The following UBE2R2 variants were observed in gnomAD, a reference collection of about 807,000 sequenced individuals.
The protein encoded by UBE2R2 is ubiquitin conjugating enzyme E2 R2.
A neutral mutation model predicts 27.8 loss-of-function variants in UBE2R2; 1 was observed. That is an observed-to-expected ratio of 0.04 (90% CI 0.01 to 0.17). The LOEUF (loss-of-function observed/expected upper bound fraction) is 0.17. UBE2R2 is among the 10% of genes least tolerant of loss of function. The pLI, the probability that UBE2R2 is intolerant of heterozygous loss-of-function variation, is 1.00. For missense variants in UBE2R2, 100 were observed against 291.0 expected (o/e 0.34, Z 4.78); for synonymous variants, 106 against 113.3 (o/e 0.94, Z 0.41).
chr9:33,848,495 G>A (rs2053072292), intron 1 of UBE2R2, among the ~76,000 whole-genome samples: 1 of 152,166 alleles, frequency 6.6e-6, no homozygotes, highest in South Asian at 2.1e-4. Flanking sequence ...ATTGATTTAG[G>A]TTGGGGCTGG....
chr9:33,844,175 A>C (rs1247973969), intron 1 of UBE2R2, among the ~76,000 whole-genome samples: 1 of 151,858 alleles, frequency 6.6e-6, no homozygotes, highest in Non-Finnish European at 1.5e-5. Context: ...AATTTGTCCA[A>C]TTAATAAGCC....
chr9:33,890,410 T>C (rs948476199), intron 2 of UBE2R2, among the ~76,000 whole-genome samples: 1 of 152,012 alleles, frequency 6.6e-6, no homozygotes, highest in Non-Finnish European at 1.5e-5. Flanking sequence ...TTACTAAAAA[T>C]ACAAACATCA....
chr9:33,907,328 G>T (rs1418104214), intron 3 of UBE2R2, among the ~76,000 whole-genome samples: 1 of 151,878 alleles, frequency 6.6e-6, no homozygotes, highest in African/African-American at 2.4e-5. Flanking sequence ...TTTTGGCCTA[G>T]ATCCTCTATC....
At chr9:33,818,258 GT>G (rs1443813675) in intron 1 of UBE2R2, among the ~76,000 whole-genome samples, 2 of 152,000 alleles carry the variant, frequency 1.3e-5, no homozygotes, top group African/African-American at 4.8e-5. Flanking sequence ...AAGAGCGGTG[GT>G]CTATCTGTGC....
rs1377981628 is a variant in UBE2R2, at chr9:33,817,744, C to T, written c.-14C>T. ...GGGCCCGGGCCCGGCGCCGCCGCCG[C>T]CGCCGCCGCCGCGATGGCCCAGCAG... On this transcript the variant is annotated 5_prime_UTR_variant, in exon 1 of 5. Coordinates refer to ENST00000263228, the MANE Select transcript of UBE2R2 (RefSeq NM_017811.4). 1.3e-6 allele frequency: 2 copies of T among 1,513,436 alleles called. No individual in the cohort carries two copies. Among genetic ancestry groups the T allele is most frequent in the South Asian group, 1.2e-5 (1 of 82,532 alleles). The allele number at this position is 1,513,436 out of a possible 1,614,324, so 93.8% of individuals were successfully genotyped here.
At chr9:33,903,644 T>G (rs1303766228) in intron 3 of UBE2R2, among the ~76,000 whole-genome samples, 1 of 152,202 alleles carries the variant, frequency 6.6e-6, no homozygotes, top group African/African-American at 2.4e-5. Context: ...TAGGCCTACT[T>G]CTCATGTAAT....
chr9:33,915,256 AG>A (rs2130825209), intron 4 of UBE2R2, among the ~76,000 whole-genome samples: 1 of 152,270 alleles, frequency 6.6e-6, no homozygotes, highest in South Asian at 2.1e-4. Flanking sequence ...CTTTGGAGTG[AG>A]ATTTATTATT....
chr9:33,894,804 G>A (rs1822065901), intron 2 of UBE2R2, among the ~76,000 whole-genome samples: 1 of 152,176 alleles, frequency 6.6e-6, no homozygotes, highest in Non-Finnish European at 1.5e-5. Context: ...GGCTGAAGTG[G>A]AAGGATCACT....
At chr9:33,885,085 G>A (rs1206096139) in intron 1 of UBE2R2, among the ~76,000 whole-genome samples, 2 of 152,204 alleles carry the variant, frequency 1.3e-5, no homozygotes, top group African/African-American at 4.8e-5. Context: ...GAGAGGCTCT[G>A]CGTATGTGTC....
intron 1 of UBE2R2, among the ~76,000 whole-genome samples, chr9:33,839,971 G>A (rs1027628686): frequency 6.6e-6 from 1 of 151,862 alleles, no homozygotes; most frequent in Non-Finnish European, 1.5e-5. Flanking sequence ...ACTCCAATCT[G>A]GGTGACAGAG....
chr9:33,909,134 A>G (rs192673675), intron 3 of UBE2R2, among the ~76,000 whole-genome samples: 5 of 152,268 alleles, frequency 3.3e-5, no homozygotes. Context: ...CATTATCATC[A>G]TCATCATCGT....
chr9:33,891,460 A>G (rs911058601), intron 2 of UBE2R2, among the ~76,000 whole-genome samples: 1 of 152,036 alleles, frequency 6.6e-6, no homozygotes, highest in Non-Finnish European at 1.5e-5. Context: ...AGCCTGGCCA[A>G]CTCAGTGAAA....
Position 33,917,033 on chromosome 9 carries a change from C to T in UBE2R2, c.513C>T (p.Ala171=). Residue 171 remains alanine (A), a synonymous_variant, in exon 5 of 5, where the codon GCC becomes GCT. Coordinates refer to ENST00000263228, the MANE Select transcript of UBE2R2 (RefSeq NM_017811.4). ...YAEIIRKQVS[A]TKAEAEKDGV... ...CTCCCTTCAGGAAACAAGTTTCAGC[C>T]ACTAAGGCCGAAGCAGAAAAGGATG... The T allele has an allele frequency of 6.2e-7, 1 of 1,614,156 alleles. No individual in the cohort carries two copies. The highest frequency in any genetic ancestry group is 8.5e-7 in the Non-Finnish European group (1 of 1,180,018).
intron 1 of UBE2R2, among the ~76,000 whole-genome samples, chr9:33,820,044 A>G (rs1045897405): frequency 6.6e-6 from 1 of 152,242 alleles, no homozygotes. Context: ...ACCGATATTT[A>G]AAATAAATAA....
intron 1 of UBE2R2, among the ~76,000 whole-genome samples, chr9:33,837,389 C>T (rs1038544241): frequency 1.3e-5 from 2 of 149,084 alleles, no homozygotes; most frequent in Non-Finnish European, 3.0e-5. Flanking sequence ...TGTGCCCAGC[C>T]TCTTATTTTC....
At chr9:33,877,385 T>A (rs1241514112) in intron 1 of UBE2R2, among the ~76,000 whole-genome samples, 3 of 151,906 alleles carry the variant, frequency 2.0e-5, no homozygotes, top group African/African-American at 7.2e-5. Flanking sequence ...GGTTACTCCT[T>A]GTTAGCCAGG....
rs1035103484 is a variant in UBE2R2 at position 33,918,642 on chromosome 9, G to C, written c.*1405G>C. The stretch of plus-strand genomic sequence containing the variant: ...TGAAGGTAATTTTTGGTTGTTATGG[G>C]GGTGCACCAGATCATAGGAGGGCAT... On this transcript the variant is annotated 3_prime_UTR_variant, in exon 5 of 5. Transcript: ENST00000263228. 2.0e-5 allele frequency: 3 copies of C among 152,408 alleles called. No homozygotes were observed. Among genetic ancestry groups the C allele is most frequent in the Non-Finnish European group, 4.4e-5 (3 of 68,032 alleles). The allele number at this position is 152,408 out of a possible 1,614,324, so 9.4% of individuals were successfully genotyped here.
chr9:33,900,056 T>C, intron 2 of UBE2R2, 118 bp from the exon 3 acceptor site: 1 of 649,220 alleles, frequency 1.5e-6, no homozygotes, highest in South Asian at 1.9e-5. Flanking sequence ...AAAAGCAGAA[T>C]TGTTTTCTCC....
chr9:33,890,884 A>G (rs1821965068), intron 2 of UBE2R2, among the ~76,000 whole-genome samples: 1 of 152,180 alleles, frequency 6.6e-6, no homozygotes, highest in Non-Finnish European at 1.5e-5. Context: ...CAAAGGAATC[A>G]TAAGAAACTC....
Sources: allele counts gnomAD v4.1 joint callset (sites outside exome capture counted in the v4.1 genomes callset), GRCh38; gene constraint gnomAD v4.1.1; transcripts MANE v1.5; gene names NCBI Gene and HGNC (gene_info 2026-07-23, HGNC 2026-07-21).